The following AGBL4 variants were observed in gnomAD, a reference collection of about 807,000 sequenced individuals.
AGBL4 encodes cytosolic carboxypeptidase 6.
A neutral mutation model predicts 66.4 loss-of-function variants in AGBL4; 58 were observed. The ratio of observed to expected loss-of-function variants is 0.87; its 90% CI spans 0.71 to 1.09. The LOEUF is 1.09. Ranked by LOEUF, AGBL4 falls within the 50% of genes least tolerant of loss-of-function variation. The probability of loss-of-function intolerance (pLI) is 0.00; values close to 1 mark genes in which losing one functional copy is unlikely to be tolerated. For missense variants in AGBL4, 579 were observed against 631.0 expected (o/e 0.92, Z 0.88); for synonymous variants, 234 against 222.9 (o/e 1.05, Z -0.44).
chr1:49,941,186 G>A (rs568069923), intron 1 of AGBL4, among the ~76,000 whole-genome samples: 1 of 152,190 alleles, frequency 6.6e-6, no homozygotes, highest in East Asian at 1.9e-4. Context: ...TTAATCAGTA[G>A]TTTTTTAAGT....
rs1645925890 is a variant in AGBL4 at position 49,839,132 on chromosome 1, T to G, written c.157+12264A>C. 2.0e-5 allele frequency among the ~76,000 whole-genome samples: 3 copies of G among 152,210 alleles called. No individual in the cohort carries two copies. In the South Asian group the frequency reaches 6.2e-4, roughly 31 times the overall value. On this transcript the variant is annotated intron_variant, in intron 2 of 13. Transcript: ENST00000371839. ...GGGAATGAAATATTTCAATTCCTCC[T>G]TGTTAAGAAAGCAGAGAAAATAGGA...
At chr1:49,949,409 G>T (rs1322128490) in intron 1 of AGBL4, among the ~76,000 whole-genome samples, 1 of 151,750 alleles carries the variant, frequency 6.6e-6, no homozygotes, top group Non-Finnish European at 1.5e-5. Context: ...GGAACAGTCA[G>T]CAGAGTAAAC....
intron 6 of AGBL4, among the ~76,000 whole-genome samples, chr1:48,739,595 G>A (rs986859062): frequency 6.6e-6 from 1 of 152,176 alleles, no homozygotes; most frequent in Non-Finnish European, 1.5e-5. Flanking sequence ...CTACCTGCGT[G>A]CTGGTTAACT....
intron 4 of AGBL4, among the ~76,000 whole-genome samples, chr1:49,100,324 T>C (rs964900870): frequency 6.6e-6 from 1 of 151,954 alleles, no homozygotes; most frequent in Non-Finnish European, 1.5e-5. Context: ...GGATGTAGAG[T>C]CCTTAGGAAG....
intron 5 of AGBL4, among the ~76,000 whole-genome samples, chr1:48,935,958 G>GTAAAAAAAAAAA (rs1655420887): frequency 4.1e-5 from 1 of 24,584 alleles, no homozygotes; most frequent in Non-Finnish European, 8.5e-5. Context: ...GACTCTGTCT[G>GTAAAAAAAAAAA]AAAAAAAAAA....
intron 11 of AGBL4, among the ~76,000 whole-genome samples, chr1:48,547,916 A>G (rs140823527): frequency 1.3e-5 from 2 of 152,258 alleles, no homozygotes; most frequent in East Asian, 3.9e-4. Context: ...TCTGTGGGTA[A>G]ATGTAGTCTC....
At chr1:48,534,378 C>A (rs1200628262) in intron 13 of AGBL4, 85 bp from the exon 14 acceptor site, 1 of 1,460,768 alleles carries the variant, frequency 6.8e-7, no homozygotes, top group Non-Finnish European at 9.1e-7. Context: ...TCTATCTTCC[C>A]CACTGGACTG....
intron 2 of AGBL4, among the ~76,000 whole-genome samples, chr1:49,804,256 T>C (rs914846737): frequency 2.6e-5 from 4 of 152,212 alleles, no homozygotes; most frequent in Non-Finnish European, 5.9e-5. Context: ...TTACCTGTGA[T>C]GGCAGATATT....
chr1:49,114,065 G>A (rs1175330430), intron 4 of AGBL4, among the ~76,000 whole-genome samples: 3 of 152,214 alleles, frequency 2.0e-5, no homozygotes, highest in Non-Finnish European at 4.4e-5. Context: ...GTCCTTTGAA[G>A]CCTTGAAGCC....
intron 3 of AGBL4, among the ~76,000 whole-genome samples, chr1:49,253,599 AG>A (rs2148342617): frequency 6.6e-6 from 1 of 152,230 alleles, no homozygotes; most frequent in Non-Finnish European, 1.5e-5. Context: ...AGATGTACAA[AG>A]AAGTGTTACC....
intron 11 of AGBL4, among the ~76,000 whole-genome samples, chr1:48,568,106 G>A (rs944992885): frequency 6.6e-6 from 1 of 152,134 alleles, no homozygotes; most frequent in African/African-American, 2.4e-5. Flanking sequence ...GCCCCACTGG[G>A]TCTTACAGTT....
At chr1:49,992,428 C>A (rs1332344611) in intron 1 of AGBL4, among the ~76,000 whole-genome samples, 1 of 151,040 alleles carries the variant, frequency 6.6e-6, no homozygotes, top group Non-Finnish European at 1.5e-5. Context: ...CTACCTTGTT[C>A]TGGGGCCTTC....
At chr1:49,369,163 A>G (rs1011893426) in intron 3 of AGBL4, among the ~76,000 whole-genome samples, 4 of 152,206 alleles carry the variant, frequency 2.6e-5, no homozygotes, top group Non-Finnish European at 5.9e-5. Flanking sequence ...AGCAGCACAC[A>G]AAGGTTTGCT....
intron 3 of AGBL4, among the ~76,000 whole-genome samples, chr1:49,443,122 T>A (rs916372906): frequency 6.6e-6 from 1 of 152,150 alleles, no homozygotes; most frequent in Non-Finnish European, 1.5e-5. Context: ...TTAATGAGAT[T>A]ATTTACTTTT....
intron 2 of AGBL4, among the ~76,000 whole-genome samples, chr1:49,753,876 T>C (rs779642672): frequency 3.9e-5 from 6 of 152,246 alleles, no homozygotes; most frequent in African/African-American, 1.4e-4. Context: ...TTGATACTCA[T>C]GTATGCTTCA....
rs570711637 is a variant in AGBL4, at chr1:49,560,038, G to C, written c.282+137275C>G. Among the ~76,000 whole-genome samples the C allele has an allele frequency of 2.0e-5, 3 of 152,214 alleles. No individual in the cohort carries two copies. In the South Asian group the frequency reaches 6.2e-4, roughly 32 times the overall value. On this transcript the variant is annotated intron_variant, in intron 3 of 13. Transcript: ENST00000371839. The stretch of plus-strand genomic sequence containing the variant: ...TAAACAACCCTAAACAGTGAAGCCT[G>C]CAATGAATATCTACCTCTTCAATGG...
chr1:48,870,485 C>T (rs1451655161), intron 5 of AGBL4, among the ~76,000 whole-genome samples: 1 of 152,180 alleles, frequency 6.6e-6, no homozygotes, highest in African/African-American at 2.4e-5. Context: ...TGTTATGCCT[C>T]TGCAATGACC....
intron 5 of AGBL4, among the ~76,000 whole-genome samples, chr1:48,904,256 G>A (rs1255199073): frequency 6.6e-6 from 1 of 152,170 alleles, no homozygotes; most frequent in Non-Finnish European, 1.5e-5. Context: ...TCCAGCCTGG[G>A]TGAGAGAGAC....
rs964290544 is a variant in AGBL4, at chr1:49,464,330, T to C, written c.283-218466A>G. ...AAAGAAACTAAGTCCCAGGGAGGCT[T>C]GCCCAATGTTACACTATGTTCACAT... On this transcript the variant is annotated intron_variant, in intron 3 of 13. Coordinates refer to ENST00000371839, the MANE Select transcript of AGBL4 (RefSeq NM_032785.4). 6.6e-5 allele frequency among the ~76,000 whole-genome samples: 10 copies of C among 151,884 alleles called. No individual in the cohort carries two copies. In the East Asian group the frequency reaches 2.0e-3, roughly 30 times the overall value.
Sources: gnomAD v4.1 joint callset for allele counts (sites outside exome capture counted in the v4.1 genomes callset) on GRCh38, gnomAD v4.1.1 for gene constraint, MANE v1.5 for transcripts, NCBI Gene and HGNC (gene_info 2026-07-23, HGNC 2026-07-21) for gene names.